ERCC6L2: variants seen among roughly 807,000 people sequenced by gnomAD.
ERCC6L2 encodes the protein DNA excision repair protein ERCC-6-like 2.
A neutral mutation model predicts 132.0 loss-of-function variants in ERCC6L2; 77 were observed. The ratio of observed to expected loss-of-function variants is 0.58; its 90% CI spans 0.49 to 0.71. The LOEUF is 0.71. Ranked by LOEUF, ERCC6L2 falls within the 30% of genes least tolerant of loss-of-function variation. The pLI, the probability that ERCC6L2 is intolerant of heterozygous loss-of-function variation, is 0.00. For missense variants in ERCC6L2, 1,542 were observed against 1,837.6 expected, an observed-to-expected ratio of 0.84 and a Z score of 2.94; for synonymous variants, 583 against 632.4, an observed-to-expected ratio of 0.92 and a Z score of 1.17.
chr9:95,897,702 A>C, intron 2 of ERCC6L2, 147 bp from the exon 3 acceptor site: 1 of 768,308 alleles, frequency 1.3e-6, no homozygotes, highest in Non-Finnish European at 2.0e-6. Context: ...CAAATAAAGA[A>C]AATCAGTACT....
At chr9:95,958,206 T>G (rs1831712714) in intron 13 of ERCC6L2, among the ~76,000 whole-genome samples, 1 of 152,076 alleles carries the variant, frequency 6.6e-6, no homozygotes, top group Non-Finnish European at 1.5e-5. Flanking sequence ...CATGAACTCA[T>G]CATTTTTTAT....
intron 4 of ERCC6L2, among the ~76,000 whole-genome samples, chr9:95,907,857 C>CAAA: frequency 1.9e-4 from 25 of 133,738 alleles, no homozygotes; most frequent in Admixed American, 1.5e-3. Flanking sequence ...ACACACACAC[C>CAAA]CCCACACCCA....
At chr9:95,884,350 A>G (rs527563632) in intron 2 of ERCC6L2, among the ~76,000 whole-genome samples, 1 of 152,224 alleles carries the variant, frequency 6.6e-6, no homozygotes, top group African/African-American at 2.4e-5. Context: ...TAAAGCTTCT[A>G]TAGATATGAC....
intron 17 of ERCC6L2, among the ~76,000 whole-genome samples, chr9:95,998,570 CTG>C (rs1429267001): frequency 1.3e-5 from 2 of 152,244 alleles, no homozygotes; most frequent in African/African-American, 2.4e-5. Context: ...GGTGATGTGA[CTG>C]TGCAGAACAG....
chr9:95,951,024 CT>C (rs1294499580), intron 12 of ERCC6L2, among the ~76,000 whole-genome samples: 8 of 152,154 alleles, frequency 5.3e-5, no homozygotes, highest in African/African-American at 1.4e-4. Context: ...AGAATACATA[CT>C]TTTCTTAAGT....
chr9:95,995,519 T>A (rs1833442318), intron 17 of ERCC6L2, among the ~76,000 whole-genome samples: 1 of 152,222 alleles, frequency 6.6e-6, no homozygotes, highest in African/African-American at 2.4e-5. Context: ...AAAAGTACCT[T>A]CTTGGTTATT....
chr9:95,982,575 T>C (rs988537654), intron 17 of ERCC6L2, among the ~76,000 whole-genome samples: 2 of 152,158 alleles, frequency 1.3e-5, no homozygotes, highest in Admixed American at 6.6e-5. Context: ...GGTTTCAGCA[T>C]GTAACTCTTA....
intron 2 of ERCC6L2, among the ~76,000 whole-genome samples, 184 bp downstream of exon 2, chr9:95,881,477 T>C (rs1827589768): frequency 6.6e-6 from 1 of 152,230 alleles, no homozygotes; most frequent in African/African-American, 2.4e-5. Flanking sequence ...AGTTATTTTA[T>C]CATTCTTCAG....
At chr9:95,929,533 A>T in intron 11 of ERCC6L2, among the ~76,000 whole-genome samples, 1 of 152,196 alleles carries the variant, frequency 6.6e-6, no homozygotes, top group African/African-American at 2.4e-5. Context: ...ATTTCAATGG[A>T]CTTTAAAAAT....
rs1830217558 is a variant in ERCC6L2 at position 95,928,878 on chromosome 9, A to G, written c.1751+14A>G. 2 of 1,519,120 alleles carry G rather than the reference A, an allele frequency of 1.3e-6. No homozygotes were observed. The highest frequency in any genetic ancestry group is 1.8e-6 in the Non-Finnish European group (2 of 1,125,554). 94.1% of individuals were successfully genotyped at this position (1,519,120 alleles called of 1,614,324 possible). A position where few individuals can be genotyped will look rare whatever the true frequency, so the allele number is the denominator to read the frequency against. On this transcript the variant is annotated intron_variant, in intron 11 of 18. Coordinates refer to ENST00000653738, the MANE Select transcript of ERCC6L2 (RefSeq NM_020207.7). ...TGTCTCTACAATGTAAGAAAATTAA[A>G]TTTAATAACTAGATTTTTATCCAAT... is the stretch of plus-strand genomic sequence containing the variant.
rs535259950 is a variant in ERCC6L2 at position 95,994,599 on chromosome 9, T to A, written c.3493-9921T>A. Among the ~76,000 whole-genome samples the A allele has an allele frequency of 6.6e-5, 10 of 152,324 alleles. No individual in the cohort carries two copies. The South Asian group carries it at 2.1e-3, about 32-fold the overall frequency. The stretch of plus-strand genomic sequence containing the variant: ...GTGGACAACTGTCAGGCTGTTCTGC[T>A]TCCCTGTGCACCATCCTCCCAAGCC... On this transcript the variant is annotated intron_variant, in intron 17 of 18. Coordinates refer to ENST00000653738, the MANE Select transcript of ERCC6L2 (RefSeq NM_020207.7).
At chr9:96,020,793 G>C, downstream of ERCC6L2, 1 of 456,760 alleles carries the variant, frequency 2.2e-6, no homozygotes, top group South Asian at 1.5e-5. Flanking sequence ...TAAGAGAATG[G>C]GAAGGCAGAA....
Position 95,915,741 on chromosome 9 carries a change from A to T in ERCC6L2, c.862A>T (p.Met288Leu). ...TCCAAAAGCTAGAGTAACAGAAGTT[A>T]TGAAAGCTTTGAAATGTAATGTCCG... Reference protein sequence around the residue: ...KNPKARVTEVMKALKCNVRIG... With the variant: ...KNPKARVTEVLKALKCNVRIG... Residue 288 changes from methionine (M) to leucine (L), a missense_variant, in exon 5 of 19, where the codon ATG (methionine) becomes TTG (leucine). Met to Leu is a conservative substitution (Grantham distance 15). This residue lies in a region of ERCC6L2 where 945 missense variants were observed against 1,105.2 expected (regional missense o/e 0.86). Coordinates refer to ENST00000653738, the MANE Select transcript of ERCC6L2 (RefSeq NM_020207.7). The T allele has an allele frequency of 6.2e-7, 1 of 1,614,090 alleles. No homozygotes were observed. The highest frequency in any genetic ancestry group is 8.5e-7 in the Non-Finnish European group (1 of 1,179,934).
intron 6 of ERCC6L2, among the ~76,000 whole-genome samples, chr9:95,916,964 C>T (rs769028270): frequency 1.1e-4 from 16 of 152,048 alleles, no homozygotes; most frequent in Non-Finnish European, 1.5e-4. Flanking sequence ...GAATTACAGG[C>T]GTGAGCCACC....
At chr9:95,987,307 C>T (rs1433342188) in intron 17 of ERCC6L2, among the ~76,000 whole-genome samples, 2 of 152,204 alleles carry the variant, frequency 1.3e-5, no homozygotes, top group Non-Finnish European at 2.9e-5. Context: ...TCCAAAGTCT[C>T]ATTTGAGACA....
chr9:95,900,888 T>C (rs1346864302), intron 3 of ERCC6L2, among the ~76,000 whole-genome samples: 2 of 152,202 alleles, frequency 1.3e-5, no homozygotes, highest in East Asian at 3.8e-4. Flanking sequence ...TTTGTGTTCA[T>C]ACCAACTTTT....
At chr9:96,030,435 C>T (rs907886348) in intron 19 of ERCC6L2, among the ~76,000 whole-genome samples, 2 of 152,130 alleles carry the variant, frequency 1.3e-5, no homozygotes, top group Non-Finnish European at 2.9e-5. Flanking sequence ...AGTACTCTCA[C>T]GCCTGTAATC....
intron 17 of ERCC6L2, among the ~76,000 whole-genome samples, chr9:96,000,982 C>T (rs201423650): frequency 9.2e-5 from 14 of 151,864 alleles, no homozygotes; most frequent in South Asian, 6.3e-4. Context: ...CAGATGTGTT[C>T]GGAGTTTCTT....
chr9:95,922,335 T>G lies in ERCC6L2; in HGVS notation c.1330T>G (p.Leu444Val), dbSNP rs1293994233. 1 of 1,612,722 alleles carries G rather than the reference T, an allele frequency of 6.2e-7. No homozygotes were observed. Among genetic ancestry groups the G allele is most frequent in the South Asian group, 1.1e-5 (1 of 91,004 alleles). Residue 444 changes from leucine (L) to valine (V), a missense_variant, in exon 8 of 19, where the codon TTG becomes GTG. This residue lies in a region of ERCC6L2 where 945 missense variants were observed against 1,105.2 expected (regional missense o/e 0.86). Coordinates refer to ENST00000653738, the MANE Select transcript of ERCC6L2 (RefSeq NM_020207.7). Reference sequence around the variant, plus strand: ...TTCTCATGGTGAAACAGTGAAAACCTTGTATCTCAGTTACCTTACAGTCCT... The same window carrying G: ...TTCTCATGGTGAAACAGTGAAAACCGTGTATCTCAGTTACCTTACAGTCCT... Reference protein sequence around the residue: ...TNSHGETVKTLYLSYLTVLQK... With the variant: ...TNSHGETVKTVYLSYLTVLQK...
Sources: gnomAD v4.1 joint callset for allele counts (sites outside exome capture counted in the v4.1 genomes callset) on GRCh38, gnomAD v4.1.1 for gene constraint, gnomAD v4.1.1 regional missense constraint, MANE v1.5 for transcripts, NCBI Gene and HGNC (gene_info 2026-07-23, HGNC 2026-07-21) for gene names.